The following TSHZ2 variants were observed in gnomAD, a reference collection of about 807,000 sequenced individuals.
The protein encoded by TSHZ2 is teashirt zinc finger homeobox 2.
A neutral mutation model predicts 74.4 loss-of-function variants in TSHZ2; 21 were observed. That is an observed-to-expected ratio of 0.28 (90% confidence interval 0.20 to 0.41). TSHZ2 has a LOEUF of 0.41. TSHZ2 is among the 10% of genes least tolerant of loss of function. The pLI is 1.00. For synonymous variants in TSHZ2, 540 were observed against 515.3 expected (o/e 1.05, Z -0.65); for missense variants, 1,244 against 1,293.5 (o/e 0.96, Z 0.59).
chr20:53,368,609 C>T (rs1031969682), intron 2 of TSHZ2, among the ~76,000 whole-genome samples: 1 of 152,170 alleles, frequency 6.6e-6, no homozygotes, highest in African/African-American at 2.4e-5. Flanking sequence ...GTGCACCTGG[C>T]CCCCATGATA....
chr20:53,136,965 A>G (rs1987259928), intron 1 of TSHZ2, among the ~76,000 whole-genome samples: 1 of 152,124 alleles, frequency 6.6e-6, no homozygotes, highest in African/African-American at 2.4e-5. Flanking sequence ...AAGAAAAGAG[A>G]TGATCGGTTA....
rs184016040 is a variant in TSHZ2, at chr20:53,043,179, G to C, written c.40+69846G>C. On this transcript the variant is annotated intron_variant, in intron 1 of 2. Coordinates refer to ENST00000371497, the MANE Select transcript of TSHZ2 (RefSeq NM_173485.6). ...AAATTTGATTGTGCATAAAAAAATT[G>C]CTGGAAAAATATAAATGAAACTGGT... Among the ~76,000 whole-genome samples, 23 of 152,314 alleles carry C rather than the reference G, an allele frequency of 1.5e-4. 1 individual carries two copies. Among genetic ancestry groups the C allele is most frequent in the African/African-American group, 5.1e-4 (21 of 41,566 alleles).
At chr20:53,303,199 T>TA (rs1403114242) in intron 2 of TSHZ2, among the ~76,000 whole-genome samples, 7 of 152,224 alleles carry the variant, frequency 4.6e-5, no homozygotes, top group Non-Finnish European at 8.8e-5. Context: ...TTCAAAACTT[T>TA]AGACACCCCC....
intron 1 of TSHZ2, among the ~76,000 whole-genome samples, chr20:53,137,634 C>T (rs1015363636): frequency 2.0e-5 from 3 of 152,178 alleles, no homozygotes; most frequent in South Asian, 2.1e-4. Flanking sequence ...TTCACCCCCA[C>T]GGCTGCTGCT....
intron 2 of TSHZ2, among the ~76,000 whole-genome samples, chr20:53,259,657 G>T (rs2426479): frequency 6.6e-6 from 1 of 152,040 alleles, no homozygotes; most frequent in Non-Finnish European, 1.5e-5. Flanking sequence ...TGTTGTGGGC[G>T]GCTTGATAAA....
intron 2 of TSHZ2, among the ~76,000 whole-genome samples, chr20:53,333,841 G>A (rs143481174): frequency 6.6e-6 from 1 of 152,312 alleles, no homozygotes; most frequent in Admixed American, 6.5e-5. Flanking sequence ...TCTAGCATGG[G>A]CAGGAAGGTG....
intron 1 of TSHZ2, among the ~76,000 whole-genome samples, chr20:53,034,789 C>T (rs1483217162): frequency 6.6e-6 from 1 of 152,114 alleles, no homozygotes; most frequent in African/African-American, 2.4e-5. Flanking sequence ...GAGAATGGCC[C>T]ATGGTAAAGT....
At chr20:53,032,019 T>C (rs1427488102) in intron 1 of TSHZ2, among the ~76,000 whole-genome samples, 1 of 152,176 alleles carries the variant, frequency 6.6e-6, no homozygotes, top group Non-Finnish European at 1.5e-5. Flanking sequence ...AATCTTTGCG[T>C]CTCTAAAAGA....
chr20:53,483,066 A>G (rs893357041), intron 2 of TSHZ2, among the ~76,000 whole-genome samples: 3 of 152,356 alleles, frequency 2.0e-5, no homozygotes, highest in Non-Finnish European at 4.4e-5. Flanking sequence ...GGGATCCAGG[A>G]GACTTCTCCA....
chr20:53,011,034 A>G (rs956875606), intron 1 of TSHZ2, among the ~76,000 whole-genome samples: 13 of 152,236 alleles, frequency 8.5e-5, no homozygotes, highest in Non-Finnish European at 1.6e-4. Context: ...TAATACCAAT[A>G]AAATAAAAAA....
At chr20:53,348,806 T>G (rs1051458648) in intron 2 of TSHZ2, among the ~76,000 whole-genome samples, 1 of 152,232 alleles carries the variant, frequency 6.6e-6, no homozygotes, top group African/African-American at 2.4e-5. Context: ...AATAGATATT[T>G]TCCTTCAAAG....
intron 1 of TSHZ2, among the ~76,000 whole-genome samples, chr20:53,154,354 A>C (rs1274401715): frequency 6.6e-6 from 1 of 152,242 alleles, no homozygotes; most frequent in Non-Finnish European, 1.5e-5. Context: ...TTCATTAGAA[A>C]TAAGTGTCTT....
intron 2 of TSHZ2, among the ~76,000 whole-genome samples, chr20:53,357,947 A>T (rs1202686140): frequency 6.6e-6 from 1 of 152,228 alleles, no homozygotes; most frequent in African/African-American, 2.4e-5. Flanking sequence ...AGACAAGAAG[A>T]TATTTCTATG....
intron 2 of TSHZ2, among the ~76,000 whole-genome samples, chr20:53,332,412 G>A (rs1979762770): frequency 6.6e-6 from 1 of 152,156 alleles, no homozygotes. Context: ...GAGGGGAAAA[G>A]GCAAGAAGAA....
intron 1 of TSHZ2, among the ~76,000 whole-genome samples, chr20:53,134,978 A>G (rs947955760): frequency 7.5e-6 from 1 of 133,216 alleles, no homozygotes; most frequent in Non-Finnish European, 1.5e-5. Context: ...AAACACACAC[A>G]CACACACACA....
chr20:53,367,578 T>C (rs75293202), intron 2 of TSHZ2, among the ~76,000 whole-genome samples: 2 of 151,926 alleles, frequency 1.3e-5, no homozygotes, highest in Non-Finnish European at 2.9e-5. Context: ...CATTTTCTTA[T>C]TCTTTTTTTT....
At chr20:53,340,184 C>CTTTTCTTTT (rs1980133221) in intron 2 of TSHZ2, among the ~76,000 whole-genome samples, 2 of 109,872 alleles carry the variant, frequency 1.8e-5, no homozygotes, top group Non-Finnish European at 1.7e-5. Context: ...TTTCTTTTTT[C>CTTTTCTTTT]TTTTTTTTTT....
chr20:53,384,445 G>A (rs1405346207), intron 2 of TSHZ2, among the ~76,000 whole-genome samples: 1 of 152,134 alleles, frequency 6.6e-6, no homozygotes, highest in East Asian at 1.9e-4. Flanking sequence ...TTGTTTGGTG[G>A]GGAGAGCATC....
At chr20:53,066,372 A>AC (rs1469349017) in intron 1 of TSHZ2, among the ~76,000 whole-genome samples, 1 of 146,312 alleles carries the variant, frequency 6.8e-6, no homozygotes, top group East Asian at 2.1e-4. Flanking sequence ...ACTGCCCCCC[A>AC]CCCCCCACAA....
Sources: gnomAD v4.1 joint callset for allele counts (sites outside exome capture counted in the v4.1 genomes callset) on GRCh38, gnomAD v4.1.1 for gene constraint, MANE v1.5 for transcripts, NCBI Gene and HGNC (gene_info 2026-07-23, HGNC 2026-07-21) for gene names.